The following LARGE1 variants were observed in gnomAD, a reference collection of about 807,000 sequenced individuals.
LARGE1 encodes the protein xylosyl- and glucuronyltransferase LARGE1.
In LARGE1, 43 loss-of-function variants were observed where a neutral mutation model predicts 87.6. That is an observed-to-expected ratio of 0.49 (90% CI 0.38 to 0.63). The LOEUF is 0.63. Ranked by LOEUF, LARGE1 falls within the 30% of genes least tolerant of loss-of-function variation. The pLI is 0.00. For missense variants in LARGE1, 802 were observed against 1,000.2 expected, an observed-to-expected ratio of 0.80 and a Z score of 2.67; for synonymous variants, 434 against 394.6, an observed-to-expected ratio of 1.10 and a Z score of -1.18.
the LARGE1 span, among the ~76,000 whole-genome samples, chr22:33,116,957 G>A: frequency 2.0e-5 from 3 of 152,208 alleles, no homozygotes; most frequent in Admixed American, 2.0e-4. Context: ...ACTAATCTTT[G>A]TATGCTGCTA....
intron 10 of LARGE1, among the ~76,000 whole-genome samples, chr22:33,329,894 C>T (rs112198480): frequency 6.6e-6 from 1 of 152,062 alleles, no homozygotes; most frequent in Admixed American, 6.6e-5. Context: ...GGGAGCATTG[C>T]ATGTTTCTAA....
intron 5 of LARGE1, chr22:33,572,339 T>G: frequency 2.6e-6 from 1 of 382,134 alleles, no homozygotes; most frequent in East Asian, 8.8e-5. Context: ...GGGCTTGAGA[T>G]GCTGGGACAG....
chr22:33,086,198 T>TA, the LARGE1 span, among the ~76,000 whole-genome samples: 348 of 152,184 alleles, frequency 2.3e-3, 4 homozygotes, highest in African/African-American at 8.1e-3. Flanking sequence ...TTTGGATTTT[T>TA]AAAAAAAATC....
chr22:33,637,939 C>T (rs2080316585), intron 3 of LARGE1, among the ~76,000 whole-genome samples: 1 of 152,112 alleles, frequency 6.6e-6, no homozygotes, highest in Non-Finnish European at 1.5e-5. Context: ...AGGGAGGGTA[C>T]CTAAGGTGCC....
At chr22:33,723,431 C>G (rs1347286502) in intron 2 of LARGE1, among the ~76,000 whole-genome samples, 1 of 152,138 alleles carries the variant, frequency 6.6e-6, no homozygotes, top group African/African-American at 2.4e-5. Context: ...CTCATGTCTA[C>G]AGATGCTTTG....
At chr22:33,738,629 G>C (rs1184975330) in intron 2 of LARGE1, among the ~76,000 whole-genome samples, 1 of 152,148 alleles carries the variant, frequency 6.6e-6, no homozygotes, top group East Asian at 1.9e-4. Flanking sequence ...GGAGGCCGAG[G>C]CAGGTGGATC....
At chr22:33,455,657 G>C (rs1238840022) in intron 6 of LARGE1, among the ~76,000 whole-genome samples, 1 of 151,236 alleles carries the variant, frequency 6.6e-6, no homozygotes, top group Non-Finnish European at 1.5e-5. Flanking sequence ...GGGAGGCTGA[G>C]GCAGGAGAAT....
intron 6 of LARGE1, among the ~76,000 whole-genome samples, chr22:33,551,184 A>G (rs190369876): frequency 6.6e-6 from 1 of 152,374 alleles, no homozygotes; most frequent in Non-Finnish European, 1.5e-5. Context: ...TATGTACCCC[A>G]TACATTTGTA....
At chr22:33,713,229 G>T (rs76114213) in intron 2 of LARGE1, among the ~76,000 whole-genome samples, 13 of 152,174 alleles carry the variant, frequency 8.5e-5, no homozygotes, top group Middle Eastern at 3.4e-3. Flanking sequence ...TGGCTGTTCA[G>T]ATGATCATTA....
intron 5 of LARGE1, among the ~76,000 whole-genome samples, chr22:33,581,445 C>A (rs1470734171): frequency 6.6e-6 from 1 of 152,114 alleles, no homozygotes; most frequent in Non-Finnish European, 1.5e-5. Flanking sequence ...AGTTTCCTAT[C>A]CAAAGTAACT....
At chr22:33,271,391 G>A (rs1219803813), downstream of LARGE1, among the ~76,000 whole-genome samples, 3 of 152,192 alleles carry the variant, frequency 2.0e-5, no homozygotes, top group Admixed American at 6.5e-5. Flanking sequence ...TCCCCAAGTA[G>A]AAATGTTAAT....
At chr22:33,252,257 C>CA (rs1328939776) in intron 11 of LARGE1, among the ~76,000 whole-genome samples, 3 of 138,680 alleles carry the variant, frequency 2.2e-5, no homozygotes, top group Non-Finnish European at 3.1e-5. Context: ...TCATTCCCCC[C>CA]CCCCCCGCCA....
intron 1 of LARGE1, among the ~76,000 whole-genome samples, chr22:33,804,598 G>T (rs1191304858): frequency 6.6e-6 from 1 of 152,184 alleles, no homozygotes; most frequent in Admixed American, 6.5e-5. Context: ...ACACTTTGCA[G>T]AAAGCCAGCT....
rs569039311 is a variant in LARGE1, at chr22:33,738,442, G to A, written c.106+22929C>T. Among the ~76,000 whole-genome samples, 3 of 152,340 alleles carry A rather than the reference G, an allele frequency of 2.0e-5. No individual in the cohort carries two copies. The South Asian group carries it at 6.2e-4, about 32-fold the overall frequency. Reference sequence around the variant, plus strand: ...GCCAGCAGGGCACTCAGGGGCCTCAGATGGCTCAGATGGGAGGAGAGGAGG... The same window carrying A: ...GCCAGCAGGGCACTCAGGGGCCTCAAATGGCTCAGATGGGAGGAGAGGAGG... On this transcript the variant is annotated intron_variant, in intron 2 of 14. Coordinates refer to ENST00000397394, the MANE Select transcript of LARGE1 (RefSeq NM_133642.5).
intron 4 of LARGE1, among the ~76,000 whole-genome samples, chr22:33,619,324 G>A (rs908869517): frequency 5.9e-5 from 9 of 152,126 alleles, no homozygotes; most frequent in South Asian, 2.1e-4. Context: ...GGAGGCTAAG[G>A]CAGGCAGATC....
At chr22:33,886,673 AAG>A (rs550137098) in intron 1 of LARGE1, among the ~76,000 whole-genome samples, 27,348 of 105,176 alleles carry the variant, frequency 0.26, 6,734 homozygotes, top group East Asian at 0.73. Flanking sequence ...AAAAAAAAAA[AAG>A]AAAAAAAAAG....
chr22:33,130,065 A>C, the LARGE1 span, among the ~76,000 whole-genome samples: 5 of 152,154 alleles, frequency 3.3e-5, no homozygotes, highest in African/African-American at 9.7e-5. Flanking sequence ...CTGTAATCCC[A>C]GCACTTTGGG....
intron 12 of LARGE1, among the ~76,000 whole-genome samples, chr22:33,302,376 C>T (rs956384643): frequency 1.3e-5 from 2 of 152,098 alleles, no homozygotes; most frequent in African/African-American, 4.8e-5. Flanking sequence ...GCCTAGGGGT[C>T]GCTGACCCTA....
chr22:33,402,809 G>A (rs1436984430), intron 7 of LARGE1, among the ~76,000 whole-genome samples: 1 of 152,138 alleles, frequency 6.6e-6, no homozygotes, highest in Non-Finnish European at 1.5e-5. Flanking sequence ...CCCAGAGGCA[G>A]AACAATAATA....
Sources: allele counts gnomAD v4.1 joint callset (sites outside exome capture counted in the v4.1 genomes callset), GRCh38; gene constraint gnomAD v4.1.1; transcripts MANE v1.5; gene names NCBI Gene and HGNC (gene_info 2026-07-23, HGNC 2026-07-21).